Variants in GPRC6A observed in about 807,000 individuals in gnomAD.
GPRC6A encodes G protein-coupled receptor class C group 6 member A, also known as G protein-coupled receptor family C group 6 member A.
Under a neutral mutation model 47.0 loss-of-function variants are expected in GPRC6A, and 54 were observed. The observed-to-expected ratio is 1.15, with a 90% CI of 0.92 to 1.44. The LOEUF is 1.44. Ranked by LOEUF, GPRC6A falls within the 40% of genes most tolerant of loss-of-function variation. The pLI is 0.00. For synonymous variants in GPRC6A, 347 were observed against 377.1 expected, an observed-to-expected ratio of 0.92 and a Z score of 0.93; for missense variants, 1,112 against 1,105.5, an observed-to-expected ratio of 1.01 and a Z score of -0.08.
At chr6:116,799,850 C>T (rs1300825380) in intron 4 of GPRC6A, among the ~76,000 whole-genome samples, 2 of 151,860 alleles carry the variant, frequency 1.3e-5, no homozygotes, top group African/African-American at 4.8e-5. Flanking sequence ...AGGTTGGGAC[C>T]CAGAGGTGAA....
At chr6:116,812,062 C>T (rs1313031829) in intron 1 of GPRC6A, among the ~76,000 whole-genome samples, 1 of 152,142 alleles carries the variant, frequency 6.6e-6, no homozygotes, top group Admixed American at 6.5e-5. Flanking sequence ...AAATTCTCCA[C>T]AGCACATTAT....
chr6:116,820,042 A>G (rs1451631329), intron 1 of GPRC6A, among the ~76,000 whole-genome samples: 4 of 147,762 alleles, frequency 2.7e-5, no homozygotes, highest in Non-Finnish European at 5.9e-5. Context: ...CACCGATCCC[A>G]CAGAAATACA....
At chr6:116,793,644 T>A (rs1772389303) in intron 5 of GPRC6A, among the ~76,000 whole-genome samples, 1 of 152,176 alleles carries the variant, frequency 6.6e-6, no homozygotes, top group East Asian at 1.9e-4. Context: ...TCCTGTAAAC[T>A]TGAACAAACT....
intron 4 of GPRC6A, among the ~76,000 whole-genome samples, chr6:116,798,938 CCTT>C (rs1278436428): frequency 1.3e-5 from 2 of 148,928 alleles, no homozygotes; most frequent in Non-Finnish European, 3.0e-5. Flanking sequence ...AGGCAGAAAA[CCTT>C]CTACAATAAT....
chr6:116,809,435 G>A lies in GPRC6A; in HGVS notation c.377C>T (p.Thr126Ile), dbSNP rs140338872. Residue 126 changes from threonine (T) to isoleucine (I), a missense_variant, in exon 2 of 6, where the codon ACT becomes ATT. Thr to Ile is a moderately conservative substitution (Grantham distance 89). Transcript: ENST00000310357. Reference sequence around the variant, plus strand: ...GGAATAGTCACACTTAAACTCCACAGTTTCTCTGGAGCAGTTGAATTTAGA... The same window carrying A: ...GGAATAGTCACACTTAAACTCCACAATTTCTCTGGAGCAGTTGAATTTAGA... ...FLSKFNCSRE[T>I]VEFKCDYSSY... is the part of the protein sequence containing the mutation. The A allele has an allele frequency of 3.2e-5, 51 of 1,613,606 alleles. No individual in the cohort carries two copies. The highest frequency in any genetic ancestry group is 4.1e-5 in the Non-Finnish European group (48 of 1,179,810).
chr6:116,820,763 G>A (rs1244227706), intron 1 of GPRC6A, among the ~76,000 whole-genome samples: 1 of 150,464 alleles, frequency 6.6e-6, no homozygotes, highest in African/African-American at 2.4e-5. Flanking sequence ...TACTGAATGG[G>A]CAAAAACTGG....
intron 5 of GPRC6A, among the ~76,000 whole-genome samples, chr6:116,795,167 A>G (rs1432919180): frequency 1.3e-5 from 2 of 152,172 alleles, no homozygotes; most frequent in Non-Finnish European, 2.9e-5. Flanking sequence ...GTTGGCAAAC[A>G]GTCATTTACT....
intron 4 of GPRC6A, among the ~76,000 whole-genome samples, chr6:116,796,344 A>G (rs1409412163): frequency 6.6e-6 from 1 of 152,142 alleles, no homozygotes; most frequent in African/African-American, 2.4e-5. Context: ...CTAATTTAAT[A>G]TTAGAATATT....
chr6:116,792,246 G>A lies in GPRC6A; in HGVS notation c.2677C>T (p.Gln893Ter). 1.2e-6 allele frequency: 2 copies of A among 1,613,966 alleles called. No homozygotes were observed. The highest frequency in any genetic ancestry group is 1.1e-5 in the South Asian group (1 of 91,072). ...PSSSGKSATW[Q>*]KSKDLQAQAF... ...TGTGCCTGAAGATCTTTGCTTTTCT[G>A]CCAGGTTGCAGACTTGCCACTAGAG... The change falls in exon 6 of 6, where the codon CAG (glutamine) becomes TAG (stop). Residue 893 changes from glutamine (Q) to a stop codon, truncating the protein, a stop_gained. Transcript: ENST00000310357. LOFTEE classifies it low-confidence loss of function (END_TRUNC).
Position 116,800,704 on chromosome 6 carries a change from A to G in GPRC6A, c.1428T>C (p.Val476=). The G allele has an allele frequency of 6.2e-7, 1 of 1,610,388 alleles. No homozygotes were observed. The highest frequency in any genetic ancestry group is 8.5e-7 in the Non-Finnish European group (1 of 1,176,772). Residue 476 remains valine (V), a synonymous_variant, in exon 4 of 6, where the codon GTT becomes GTC. Transcript: ENST00000310357. Reference sequence around the variant, plus strand: ...GTCCATTGATCTCCTTCCAGAGCACAACATCATATCCAGTATTTAAATCCC... The same window carrying G: ...GTCCATTGATCTCCTTCCAGAGCACGACATCATATCCAGTATTTAAATCCC... ...AHGDLNTGYD[V]VLWKEINGHM...
At chr6:116,815,901 G>A (rs1269105308) in intron 1 of GPRC6A, among the ~76,000 whole-genome samples, 1 of 152,210 alleles carries the variant, frequency 6.6e-6, no homozygotes, top group South Asian at 2.1e-4. Flanking sequence ...GTAAAGAAAA[G>A]AGGTTTAATT....
intron 1 of GPRC6A, among the ~76,000 whole-genome samples, chr6:116,824,557 A>G (rs1773617745): frequency 6.6e-6 from 1 of 151,946 alleles, no homozygotes; most frequent in African/African-American, 2.4e-5. Context: ...GAAATAGAAA[A>G]CCTGAGCAGA....
Position 116,795,833 on chromosome 6 carries a change from T to A in GPRC6A, c.1551A>T (p.Gln517His). Residue 517 changes from glutamine (Q) to histidine (H), a missense_variant and splice_region_variant, in exon 5 of 6, where the codon CAA (glutamine) becomes CAT (histidine). Physicochemically the swap from Gln to His is conservative, Grantham distance 24. Transcript: ENST00000310357. ...ETKNEFRNLKQIQSKCSKECS... is the reference protein window; with the variant it reads ...ETKNEFRNLKHIQSKCSKECS... Reference sequence around the variant, plus strand: ...ATTCCTTGGAGCATTTAGATTGAATTTGCTATATTAAAAGTGAAAAAAAAA... The same window carrying A: ...ATTCCTTGGAGCATTTAGATTGAATATGCTATATTAAAAGTGAAAAAAAAA... 1 of 1,593,108 alleles carries A rather than the reference T, an allele frequency of 6.3e-7. No individual in the cohort carries two copies. The highest frequency in any genetic ancestry group is 8.6e-7 in the Non-Finnish European group (1 of 1,168,532).
chr6:116,803,982 C>T (rs924997344), intron 3 of GPRC6A, among the ~76,000 whole-genome samples: 1 of 152,000 alleles, frequency 6.6e-6, no homozygotes, highest in African/African-American at 2.4e-5. Flanking sequence ...GAATTCTGTC[C>T]TGTTCTCCGT....
At chr6:116,800,830 T>C in intron 3 of GPRC6A, 34 bp from the exon 4 acceptor site, 1 of 1,334,568 alleles carries the variant, frequency 7.5e-7, no homozygotes, top group Admixed American at 1.7e-5. Flanking sequence ...AAGCACTTAA[T>C]ATAAATGTTG....
At chr6:116,800,384 T>C (rs183139074) in intron 4 of GPRC6A, among the ~76,000 whole-genome samples, 200 bp downstream of exon 4, 9 of 137,818 alleles carry the variant, frequency 6.5e-5, no homozygotes, top group South Asian at 5.4e-4. Context: ...TCCCTCCCTC[T>C]CTCTCTCTCT....
chr6:116,809,346 A>T lies in GPRC6A; in HGVS notation c.466T>A (p.Ser156Thr). The T allele has an allele frequency of 6.2e-7, 1 of 1,613,538 alleles. No individual in the cohort carries two copies. The highest frequency in any genetic ancestry group is 8.5e-7 in the Non-Finnish European group (1 of 1,179,618). ...ATGAGCTGTAAATTCAACATCCTGG[A>T]GACAGCCATAGTTATTTCTGAGTAC... ...SGYSEITMAV[S>T]RMLNLQLMPQ... Residue 156 changes from serine (S) to threonine (T), a missense_variant, in exon 2 of 6, where the codon TCC becomes ACC. Transcript: ENST00000310357.
chr6:116,817,159 A>C (rs1391483284), intron 1 of GPRC6A, among the ~76,000 whole-genome samples: 181 of 152,036 alleles, frequency 1.2e-3, no homozygotes, highest in Non-Finnish European at 2.3e-3. Context: ...TGAAGAGAGC[A>C]GTGGTTCTCC....
At chr6:116,820,962 A>G (rs1438898717) in intron 1 of GPRC6A, among the ~76,000 whole-genome samples, 2 of 152,112 alleles carry the variant, frequency 1.3e-5, no homozygotes, top group African/African-American at 4.8e-5. Flanking sequence ...AGAAAACCCC[A>G]TTGTCTAAGC....
Sources: gnomAD v4.1 joint callset for allele counts (sites outside exome capture counted in the v4.1 genomes callset) on GRCh38, gnomAD v4.1.1 for gene constraint, MANE v1.5 for transcripts, NCBI Gene and HGNC (gene_info 2026-07-23, HGNC 2026-07-21) for gene names.